Variants in AGBL4 observed in about 807,000 individuals in gnomAD.
AGBL4 encodes AGBL carboxypeptidase 4, also known as cytosolic carboxypeptidase 6.
In AGBL4, 58 loss-of-function variants were observed where a neutral mutation model predicts 66.4. That is an observed-to-expected ratio of 0.87 (90% CI 0.71 to 1.09). The LOEUF (loss-of-function observed/expected upper bound fraction) is 1.09, where lower values mean the gene tolerates loss of function less well. Ranked by LOEUF, AGBL4 falls within the 50% of genes least tolerant of loss-of-function variation. The pLI, the probability that AGBL4 is intolerant of heterozygous loss-of-function variation, is 0.00. For synonymous variants in AGBL4, 234 were observed against 222.9 expected, an observed-to-expected ratio of 1.05 and a Z score of -0.44; for missense variants, 579 against 631.0, an observed-to-expected ratio of 0.92 and a Z score of 0.88.
chr1:49,010,098 T>C (rs1166297743), intron 5 of AGBL4, among the ~76,000 whole-genome samples: 1 of 152,194 alleles, frequency 6.6e-6, no homozygotes, highest in Non-Finnish European at 1.5e-5. Context: ...TGTCCCTCTT[T>C]GCAGACGACA....
At chr1:49,107,160 C>T (rs1013520835) in intron 4 of AGBL4, among the ~76,000 whole-genome samples, 2 of 152,128 alleles carry the variant, frequency 1.3e-5, no homozygotes, top group African/African-American at 4.8e-5. Flanking sequence ...TGATGGTCTT[C>T]AGCTGTGTAC....
intron 3 of AGBL4, among the ~76,000 whole-genome samples, chr1:49,328,757 A>C (rs895735835): frequency 6.6e-6 from 1 of 152,176 alleles, no homozygotes; most frequent in Non-Finnish European, 1.5e-5. Flanking sequence ...ACTTCATGTA[A>C]AGTGAATAGC....
chr1:49,613,495 A>G (rs1193625354), intron 3 of AGBL4, among the ~76,000 whole-genome samples: 2 of 152,130 alleles, frequency 1.3e-5, no homozygotes, highest in African/African-American at 4.8e-5. Flanking sequence ...ATTTACAGCT[A>G]CTCACTATCA....
intron 1 of AGBL4, among the ~76,000 whole-genome samples, chr1:49,872,132 CT>C (rs959115504): frequency 2.2e-4 from 34 of 151,878 alleles, no homozygotes; most frequent in African/African-American, 6.5e-4. Context: ...TTTGCTAATT[CT>C]TTTTTTGTCT....
In AGBL4 at chr1:49,129,560, G is replaced by A. The variant is rs1480151207; in HGVS notation, c.378-83760C>T. Among the ~76,000 whole-genome samples the A allele has an allele frequency of 1.2e-3, 184 of 151,388 alleles. 1 individual carries two copies. Among genetic ancestry groups the A allele is most frequent in the African/African-American group, 4.2e-3 (171 of 41,186 alleles). ...TTCCCACCTATGAGTGAGAACATGC[G>A]GTGTTTGGTTTTTTGTCCTTGCGAT... On this transcript the variant is annotated intron_variant, in intron 4 of 13. Transcript: ENST00000371839.
chr1:49,075,505 T>C (rs748280038), intron 4 of AGBL4, among the ~76,000 whole-genome samples: 10 of 152,236 alleles, frequency 6.6e-5, no homozygotes, highest in Admixed American at 6.5e-5. Context: ...TATGCTTTCA[T>C]AAATGTTTTA....
At chr1:48,792,227 G>A (rs1645569111) in intron 6 of AGBL4, among the ~76,000 whole-genome samples, 1 of 151,948 alleles carries the variant, frequency 6.6e-6, no homozygotes, top group South Asian at 2.1e-4. Flanking sequence ...GCAAACTAAG[G>A]AACACCAAAG....
intron 6 of AGBL4, among the ~76,000 whole-genome samples, chr1:48,770,637 C>G (rs72904866): frequency 0.011 from 1,746 of 152,304 alleles, 33 homozygotes; most frequent in African/African-American, 0.04. Flanking sequence ...TACTTGCTCT[C>G]CTGACATATC....
intron 2 of AGBL4, among the ~76,000 whole-genome samples, chr1:49,777,187 C>A (rs537739499): frequency 1.6e-4 from 24 of 152,168 alleles, no homozygotes; most frequent in Non-Finnish European, 2.8e-4. Context: ...AGGCACATAA[C>A]AATTACTTCA....
intron 1 of AGBL4, among the ~76,000 whole-genome samples, chr1:50,014,541 T>C (rs1455155118): frequency 7.0e-6 from 1 of 142,752 alleles, no homozygotes; most frequent in South Asian, 2.3e-4. Flanking sequence ...GATTTCTTTT[T>C]TTTTTTTTTT....
chr1:49,965,276 C>T (rs1394869401), intron 1 of AGBL4, among the ~76,000 whole-genome samples: 2 of 152,096 alleles, frequency 1.3e-5, no homozygotes, highest in African/African-American at 4.8e-5. Context: ...TCAGTGTGAC[C>T]CAAGACTACA....
chr1:49,581,746 G>A (rs1171857138), intron 3 of AGBL4, among the ~76,000 whole-genome samples: 2 of 152,164 alleles, frequency 1.3e-5, no homozygotes, highest in African/African-American at 4.8e-5. Flanking sequence ...ATTCATGTTT[G>A]TCCTTGTGAC....
intron 3 of AGBL4, among the ~76,000 whole-genome samples, chr1:49,667,963 A>G (rs1646401899): frequency 6.6e-6 from 1 of 152,170 alleles, no homozygotes; most frequent in South Asian, 2.1e-4. Context: ...GTAAAATGGG[A>G]AAAAATATTG....
chr1:48,967,789 T>G (rs1658564994), intron 5 of AGBL4, among the ~76,000 whole-genome samples: 1 of 152,134 alleles, frequency 6.6e-6, no homozygotes, highest in African/African-American at 2.4e-5. Context: ...CAAATTTAGC[T>G]GAAAAACCAA....
intron 3 of AGBL4, among the ~76,000 whole-genome samples, chr1:49,334,304 A>G (rs1424865724): frequency 6.6e-6 from 1 of 152,182 alleles, no homozygotes. Context: ...TCCTTTTTCT[A>G]CTATATCAAA....
intron 1 of AGBL4, among the ~76,000 whole-genome samples, chr1:49,957,926 C>T (rs1489279628): frequency 6.6e-6 from 1 of 152,090 alleles, no homozygotes; most frequent in East Asian, 1.9e-4. Flanking sequence ...TTATTTTGCT[C>T]GTTAGTTGAT....
chr1:48,699,892 C>T (rs1032729816), intron 6 of AGBL4, among the ~76,000 whole-genome samples: 2 of 151,250 alleles, frequency 1.3e-5, no homozygotes, highest in Admixed American at 6.6e-5. Flanking sequence ...TCTCATGATA[C>T]TATTTTTATT....
At chr1:49,198,998 C>T (rs1010103333) in intron 4 of AGBL4, among the ~76,000 whole-genome samples, 1 of 152,178 alleles carries the variant, frequency 6.6e-6, no homozygotes, top group African/African-American at 2.4e-5. Flanking sequence ...CTGCCACTGT[C>T]AACATCATGA....
intron 3 of AGBL4, among the ~76,000 whole-genome samples, chr1:49,502,598 T>C (rs964818133): frequency 3.9e-5 from 6 of 152,072 alleles, no homozygotes; most frequent in Non-Finnish European, 7.4e-5. Context: ...TGGAACTTCC[T>C]AGAGAATTGT....
Sources: gnomAD v4.1 joint callset for allele counts (sites outside exome capture counted in the v4.1 genomes callset) on GRCh38, gnomAD v4.1.1 for gene constraint, MANE v1.5 for transcripts, NCBI Gene and HGNC (gene_info 2026-07-23, HGNC 2026-07-21) for gene names.